THADA: variants seen among roughly 807,000 people sequenced by gnomAD.
THADA encodes the protein THADA armadillo repeat containing.
A neutral mutation model predicts 219.8 loss-of-function variants in THADA; 213 were observed. The ratio of observed to expected loss-of-function variants is 0.97; its 90% CI spans 0.87 to 1.09. THADA has a LOEUF of 1.09. Ranked by LOEUF, THADA falls within the 50% of genes least tolerant of loss-of-function variation. The pLI is 0.00. For missense variants in THADA, 2,956 were observed against 2,311.3 expected, an observed-to-expected ratio of 1.28 and a Z score of -5.72; for synonymous variants, 1,018 against 828.9, an observed-to-expected ratio of 1.23 and a Z score of -3.92.
intron 29 of THADA, among the ~76,000 whole-genome samples, chr2:43,359,812 T>C (rs1284864939): frequency 2.0e-5 from 3 of 151,728 alleles, no homozygotes; most frequent in African/African-American, 7.3e-5. Context: ...TTTTAAGAGA[T>C]GGCATCTCCC....
intron 30 of THADA, among the ~76,000 whole-genome samples, chr2:43,323,841 A>C (rs1299479795): frequency 2.0e-5 from 3 of 152,216 alleles, no homozygotes. Flanking sequence ...AAAGTTGATA[A>C]GGAAGGGCAT....
At chr2:43,505,489 G>A (rs1429344482) in intron 24 of THADA, 133 bp downstream of exon 24, 6 of 529,176 alleles carry the variant, frequency 1.1e-5, no homozygotes, top group South Asian at 6.8e-5. Flanking sequence ...GGGAGGCGAA[G>A]GTTGCAGTGA....
At chr2:43,386,363 C>A (rs929793575) in intron 29 of THADA, among the ~76,000 whole-genome samples, 3 of 151,504 alleles carry the variant, frequency 2.0e-5, no homozygotes, top group Non-Finnish European at 2.9e-5. Flanking sequence ...AAACAGAGAG[C>A]CTTCATTTTA....
intron 1 of THADA, among the ~76,000 whole-genome samples, chr2:43,593,090 T>A (rs1701754371): frequency 6.6e-6 from 1 of 152,218 alleles, no homozygotes. Flanking sequence ...GCAGTTAGCA[T>A]CTTTAGCAGT....
intron 22 of THADA, among the ~76,000 whole-genome samples, chr2:43,513,272 C>T (rs78409037): frequency 0.053 from 8,131 of 152,224 alleles, 317 homozygotes; most frequent in Non-Finnish European, 0.077. Flanking sequence ...TCCATTTTGA[C>T]AGGACATCCC....
At chr2:43,569,938 A>C (rs575867458) in intron 14 of THADA, among the ~76,000 whole-genome samples, 20 of 152,172 alleles carry the variant, frequency 1.3e-4, no homozygotes, top group Admixed American at 6.5e-4. Context: ...CTTCAAGCTC[A>C]CTCCAATGTG....
At chr2:43,236,486 C>T (rs1235833147) in intron 36 of THADA, among the ~76,000 whole-genome samples, 3 of 152,122 alleles carry the variant, frequency 2.0e-5, no homozygotes, top group Non-Finnish European at 4.4e-5. Context: ...GCATGCAGGC[C>T]AGCTAGGCTC....
At chr2:43,425,783 C>G (rs11124934) in intron 28 of THADA, among the ~76,000 whole-genome samples, 58,650 of 151,842 alleles carry the variant, frequency 0.39, 12,077 homozygotes, top group African/African-American at 0.5. Flanking sequence ...CAGTGACTCT[C>G]AGAAGATGTG....
At chr2:43,261,841 T>C (rs1418284096) in intron 36 of THADA, among the ~76,000 whole-genome samples, 1 of 152,286 alleles carries the variant, frequency 6.6e-6, no homozygotes, top group East Asian at 1.9e-4. Context: ...TTCACCCTGT[T>C]GACCAGGCTG....
intron 29 of THADA, among the ~76,000 whole-genome samples, chr2:43,362,584 G>GT (rs1401250617): frequency 6.6e-6 from 1 of 152,154 alleles, no homozygotes; most frequent in Non-Finnish European, 1.5e-5. Flanking sequence ...GTTGCTCTGG[G>GT]TGAGTCAGTG....
chr2:43,570,982 G>A (rs1699227713), intron 13 of THADA, among the ~76,000 whole-genome samples: 1 of 152,228 alleles, frequency 6.6e-6, no homozygotes, highest in Non-Finnish European at 1.5e-5. Flanking sequence ...TTGGCCATGT[G>A]TGGTGGCTCA....
intron 28 of THADA, among the ~76,000 whole-genome samples, chr2:43,422,684 G>A (rs1677866028): frequency 6.6e-6 from 1 of 152,078 alleles, no homozygotes; most frequent in Admixed American, 6.5e-5. Flanking sequence ...TCTATTAAAT[G>A]TTATCTTGAT....
chr2:43,527,348 T>C (rs1029906701), intron 22 of THADA, among the ~76,000 whole-genome samples: 3 of 152,226 alleles, frequency 2.0e-5, no homozygotes, highest in African/African-American at 7.2e-5. Flanking sequence ...TCTGTAACTA[T>C]AATGTCAAGA....
chr2:43,365,787 A>G (rs188634429), intron 29 of THADA, among the ~76,000 whole-genome samples: 2 of 152,244 alleles, frequency 1.3e-5, no homozygotes, highest in Admixed American at 1.3e-4. Context: ...AACTGGGTGA[A>G]TGGTAGTCTC....
At chr2:43,327,401 C>T (rs892746050) in intron 30 of THADA, among the ~76,000 whole-genome samples, 1 of 144,952 alleles carries the variant, frequency 6.9e-6, no homozygotes, top group African/African-American at 2.6e-5. Flanking sequence ...AAGAAGGAAA[C>T]CAGGTTAAGA....
intron 30 of THADA, among the ~76,000 whole-genome samples, chr2:43,328,702 C>T (rs776706916): frequency 9.9e-5 from 15 of 152,190 alleles, no homozygotes; most frequent in Admixed American, 3.3e-4. Context: ...AGCAGAGGGC[C>T]TTACCCACTC....
At chr2:43,245,345 G>A (rs1231921284) in intron 36 of THADA, among the ~76,000 whole-genome samples, 1 of 151,622 alleles carries the variant, frequency 6.6e-6, no homozygotes, top group African/African-American at 2.4e-5. Flanking sequence ...GCTAATTTTT[G>A]TAATTTTAGT....
At chr2:43,337,953 G>T (rs996789827) in intron 30 of THADA, among the ~76,000 whole-genome samples, 1 of 151,984 alleles carries the variant, frequency 6.6e-6, no homozygotes, top group Non-Finnish European at 1.5e-5. Flanking sequence ...GAAAAGCAAA[G>T]AAATAATTAT....
chr2:43,531,673 T>C (rs569905830), intron 21 of THADA, among the ~76,000 whole-genome samples: 2 of 152,192 alleles, frequency 1.3e-5, no homozygotes, highest in Admixed American at 1.3e-4. Context: ...ATTTTTAAAA[T>C]GAAAATCTCT....
Sources: allele counts gnomAD v4.1 joint callset (sites outside exome capture counted in the v4.1 genomes callset), GRCh38; gene constraint gnomAD v4.1.1; transcripts MANE v1.5; gene names NCBI Gene and HGNC (gene_info 2026-07-23, HGNC 2026-07-21).